DGKI: variants seen among roughly 807,000 people sequenced by gnomAD.
DGKI encodes the protein DAG kinase iota.
DGKI carries 55 observed loss-of-function variants against 147.5 expected under a neutral mutation model. The observed-to-expected ratio is 0.37, with a 90% CI of 0.30 to 0.47. The LOEUF (loss-of-function observed/expected upper bound fraction) is 0.47. Among genes scored for constraint, DGKI ranks in the 20% least tolerant of loss-of-function variants. The pLI, the probability that DGKI is intolerant of heterozygous loss-of-function variation, is 1.00. For missense variants in DGKI, 1,007 were observed against 1,323.8 expected (o/e 0.76, Z 3.71); for synonymous variants, 469 against 477.1 (o/e 0.98, Z 0.22).
intron 27 of DGKI, among the ~76,000 whole-genome samples, chr7:137,455,193 GACA>G (rs752539677): frequency 6.6e-6 from 1 of 152,078 alleles, no homozygotes; most frequent in African/African-American, 2.4e-5. Context: ...GCAGCTTTCT[GACA>G]ACATCTCCTC....
intron 28 of DGKI, among the ~76,000 whole-genome samples, chr7:137,418,263 T>A (rs1647190): frequency 0.98 from 148,735 of 152,292 alleles, 72,731 homozygotes; most frequent in Middle Eastern, 1. Flanking sequence ...TGGAAAAATT[T>A]AAAAAGCAGT....
chr7:137,595,521 T>G (rs868336319), intron 12 of DGKI, among the ~76,000 whole-genome samples: 1 of 152,212 alleles, frequency 6.6e-6, no homozygotes, highest in African/African-American at 2.4e-5. Context: ...TATTTTTTCA[T>G]TTATTTTCCT....
chr7:137,825,452 A>C (rs550973131), intron 1 of DGKI, among the ~76,000 whole-genome samples: 1 of 152,312 alleles, frequency 6.6e-6, no homozygotes, highest in East Asian at 1.9e-4. Flanking sequence ...TACAATGTGC[A>C]CACATTATTC....
At chr7:137,397,929 G>A (rs1006731814) in intron 30 of DGKI, among the ~76,000 whole-genome samples, 1 of 152,166 alleles carries the variant, frequency 6.6e-6, no homozygotes, top group Non-Finnish European at 1.5e-5. Context: ...GACTATAGAT[G>A]CATCCTTAGG....
At chr7:137,502,805 T>C (rs1371297369) in intron 21 of DGKI, among the ~76,000 whole-genome samples, 1 of 152,162 alleles carries the variant, frequency 6.6e-6, no homozygotes, top group African/African-American at 2.4e-5. Flanking sequence ...CTATTCCTAC[T>C]TTCCATTGAA....
chr7:137,662,218 C>T (rs1039116197), intron 3 of DGKI, among the ~76,000 whole-genome samples: 12 of 150,826 alleles, frequency 8.0e-5, no homozygotes, highest in South Asian at 2.1e-4. Flanking sequence ...GGAGGGTGGC[C>T]GGCTGAAGTT....
At chr7:137,424,370 G>A (rs1235790682) in intron 28 of DGKI, among the ~76,000 whole-genome samples, 1 of 152,148 alleles carries the variant, frequency 6.6e-6, no homozygotes, top group African/African-American at 2.4e-5. Flanking sequence ...ATTCTTCATA[G>A]GAATTCATAT....
chr7:137,537,340 C>A lies in DGKI; in HGVS notation c.2147+15029G>T, dbSNP rs138971085. Reference sequence around the variant, plus strand: ...ACCTTAAGATTCAGCAAATAGCATGCCTTTAAATTCTACGAATGTAGCAAT... The same window carrying A: ...ACCTTAAGATTCAGCAAATAGCATGACTTTAAATTCTACGAATGTAGCAAT... On this transcript the variant is annotated intron_variant, in intron 20 of 32. Transcript: ENST00000614521. Among the ~76,000 whole-genome samples the A allele has an allele frequency of 8.2e-3, 1,242 of 152,252 alleles. 23 individuals are homozygous for A. Among genetic ancestry groups the A allele is most frequent in the African/African-American group, 0.028 (1,170 of 41,560 alleles).
intron 20 of DGKI, among the ~76,000 whole-genome samples, chr7:137,551,075 A>C (rs1346924954): frequency 6.6e-6 from 1 of 152,220 alleles, no homozygotes; most frequent in Non-Finnish European, 1.5e-5. Context: ...AGTTTCACTA[A>C]ATGCAAAATG....
At chr7:137,820,563 G>T (rs1232721763) in intron 1 of DGKI, among the ~76,000 whole-genome samples, 1 of 152,154 alleles carries the variant, frequency 6.6e-6, no homozygotes, top group Admixed American at 6.5e-5. Flanking sequence ...GGGGGGAGAT[G>T]GATGGGCTCT....
chr7:137,414,721 T>C (rs1454548010), intron 28 of DGKI, among the ~76,000 whole-genome samples: 1 of 152,176 alleles, frequency 6.6e-6, no homozygotes, highest in Admixed American at 6.5e-5. Context: ...AGAACTCTAC[T>C]AGGCTCTGCA....
chr7:137,759,429 C>A (rs1360620362), intron 1 of DGKI, among the ~76,000 whole-genome samples: 1 of 152,090 alleles, frequency 6.6e-6, no homozygotes, highest in Non-Finnish European at 1.5e-5. Context: ...GCAACCTCCG[C>A]CTCCCAGGTT....
At chr7:137,833,167 T>G (rs565401999) in intron 1 of DGKI, among the ~76,000 whole-genome samples, 1 of 152,342 alleles carries the variant, frequency 6.6e-6, no homozygotes, top group South Asian at 2.1e-4. Context: ...CCAAAGTCGC[T>G]TCCACATTTT....
intron 20 of DGKI, among the ~76,000 whole-genome samples, chr7:137,529,460 T>C (rs1269688162): frequency 1.3e-5 from 2 of 152,144 alleles, no homozygotes; most frequent in East Asian, 3.8e-4. Flanking sequence ...CCATAACTAA[T>C]TTACCACATG....
chr7:137,435,574 G>C (rs73459179), intron 28 of DGKI, among the ~76,000 whole-genome samples: 15,869 of 152,034 alleles, frequency 0.1, 2,433 homozygotes, highest in African/African-American at 0.33. Flanking sequence ...AGCGGGAAGA[G>C]AAAGAGCCTC....
intron 1 of DGKI, among the ~76,000 whole-genome samples, chr7:137,743,198 A>G (rs1189948232): frequency 6.6e-6 from 1 of 152,214 alleles, no homozygotes; most frequent in Non-Finnish European, 1.5e-5. Flanking sequence ...CCTCTAACAC[A>G]TTGACAGTAT....
At chr7:137,631,198 C>T (rs762678840) in intron 6 of DGKI, among the ~76,000 whole-genome samples, 9 of 152,150 alleles carry the variant, frequency 5.9e-5, no homozygotes, top group South Asian at 2.1e-4. Flanking sequence ...ATCTACACTT[C>T]CTTTTTGTGT....
chr7:137,579,728 C>T (rs1280881130), intron 15 of DGKI, among the ~76,000 whole-genome samples: 2 of 152,214 alleles, frequency 1.3e-5, no homozygotes, highest in East Asian at 3.9e-4. Flanking sequence ...GATTTACATG[C>T]AGGGGAAATG....
At chr7:137,546,253 G>C (rs532252333) in intron 20 of DGKI, among the ~76,000 whole-genome samples, 7 of 152,232 alleles carry the variant, frequency 4.6e-5, no homozygotes, top group Admixed American at 2.0e-4. Flanking sequence ...GGCAGGTCGG[G>C]GGGTGTAGGG....
Sources: allele counts gnomAD v4.1 joint callset (sites outside exome capture counted in the v4.1 genomes callset), GRCh38; gene constraint gnomAD v4.1.1; transcripts MANE v1.5; gene names NCBI Gene and HGNC (gene_info 2026-07-23, HGNC 2026-07-21).